Variants in OPCML observed in about 807,000 individuals in gnomAD.
OPCML encodes opioid binding protein/cell adhesion molecule like.
OPCML carries 13 observed loss-of-function variants against 37.8 expected under a neutral mutation model. The ratio of observed to expected loss-of-function variants is 0.34; its 90% CI spans 0.22 to 0.55. The LOEUF is 0.55. Ranked by LOEUF, OPCML falls within the 20% of genes least tolerant of loss-of-function variation. The probability of loss-of-function intolerance (pLI) is 0.91; values close to 1 mark genes in which losing one functional copy is unlikely to be tolerated. For missense variants in OPCML, 341 were observed against 435.6 expected (o/e 0.78, Z 1.93); for synonymous variants, 176 against 168.8 (o/e 1.04, Z -0.33).
At chr11:133,477,043 G>A (rs985556784) in intron 1 of OPCML, among the ~76,000 whole-genome samples, 7 of 152,084 alleles carry the variant, frequency 4.6e-5, no homozygotes, top group African/African-American at 9.7e-5. Flanking sequence ...GCTTAACTGC[G>A]CACAACCCTC....
chr11:132,845,349 C>A (rs1941479770), intron 2 of OPCML, among the ~76,000 whole-genome samples: 1 of 152,186 alleles, frequency 6.6e-6, no homozygotes, highest in Admixed American at 6.5e-5. Flanking sequence ...CGCCTTTGAA[C>A]AACAGCTTAA....
At chr11:133,267,714 C>A (rs1941703578) in intron 1 of OPCML, among the ~76,000 whole-genome samples, 1 of 152,048 alleles carries the variant, frequency 6.6e-6, no homozygotes, top group African/African-American at 2.4e-5. Context: ...GTGGGAGGGA[C>A]CCAGTGGGAG....
At chr11:133,070,481 G>A (rs1427896654) in intron 1 of OPCML, among the ~76,000 whole-genome samples, 2 of 152,224 alleles carry the variant, frequency 1.3e-5, no homozygotes, top group South Asian at 4.1e-4. Flanking sequence ...TTCCACCCAG[G>A]GATGTGATGG....
intron 2 of OPCML, among the ~76,000 whole-genome samples, chr11:132,942,249 T>TC (rs906245256): frequency 5.3e-5 from 8 of 152,236 alleles, no homozygotes; most frequent in Admixed American, 3.9e-4. Flanking sequence ...CAAGTGATTC[T>TC]CTGTAACTCA....
At chr11:132,584,831 C>T (rs1381300608) in intron 3 of OPCML, among the ~76,000 whole-genome samples, 1 of 152,242 alleles carries the variant, frequency 6.6e-6, no homozygotes, top group African/African-American at 2.4e-5. Flanking sequence ...TTCAAAGTGT[C>T]TCTGTGCCTG....
chr11:133,005,466 G>A (rs1056243874), intron 1 of OPCML: 1 of 985,362 alleles, frequency 1.0e-6, no homozygotes, highest in Non-Finnish European at 1.2e-6. Flanking sequence ...TTAGGTACTA[G>A]TTTTTCTCTG....
At chr11:132,805,832 T>A (rs10894609) in intron 2 of OPCML, among the ~76,000 whole-genome samples, 33,931 of 152,148 alleles carry the variant, frequency 0.22, 4,794 homozygotes, top group Non-Finnish European at 0.33. Flanking sequence ...TAGGTAAAAA[T>A]GATAAATATG....
At chr11:133,294,154 A>C (rs1942562137) in intron 1 of OPCML, among the ~76,000 whole-genome samples, 1 of 138,192 alleles carries the variant, frequency 7.2e-6, no homozygotes, top group East Asian at 2.2e-4. Flanking sequence ...GTGGTACCAT[A>C]GCTTTAGACC....
At chr11:132,503,972 C>A (rs529131885) in intron 4 of OPCML, among the ~76,000 whole-genome samples, 3 of 152,136 alleles carry the variant, frequency 2.0e-5, no homozygotes, top group East Asian at 1.9e-4. Context: ...ATCTTTTATG[C>A]ACCTTTGTTA....
At chr11:132,661,004 G>A (rs986221905) in intron 2 of OPCML, among the ~76,000 whole-genome samples, 4 of 152,142 alleles carry the variant, frequency 2.6e-5, no homozygotes, top group African/African-American at 9.7e-5. Context: ...ACCACTTCAG[G>A]TTGAGGGTGC....
At position 132,639,561 on chromosome 11, in the gene OPCML, A is replaced by G. The variant is rs577601444; in HGVS notation, c.379+17526T>C. Among the ~76,000 whole-genome samples, 8 of 152,328 alleles carry G rather than the reference A, an allele frequency of 5.3e-5. No homozygotes were observed. In the South Asian group the frequency reaches 1.0e-3, roughly 20 times the overall value. On this transcript the variant is annotated intron_variant, in intron 3 of 7. Coordinates refer to ENST00000524381, the MANE Select transcript of OPCML (RefSeq NM_001012393.5). Reference sequence around the variant, plus strand: ...ATGGAACCTAAAGTTCCTGAATCCGAACACAATCCTTTCACTGTTAAGACT... The same window carrying G: ...ATGGAACCTAAAGTTCCTGAATCCGGACACAATCCTTTCACTGTTAAGACT...
chr11:133,436,297 T>C (rs1165296576), intron 1 of OPCML, among the ~76,000 whole-genome samples: 1 of 152,188 alleles, frequency 6.6e-6, no homozygotes, highest in African/African-American at 2.4e-5. Flanking sequence ...TTTTGGTTCC[T>C]CCATTTGGTG....
chr11:133,151,127 G>C (rs1250042851), intron 1 of OPCML, among the ~76,000 whole-genome samples: 1 of 151,918 alleles, frequency 6.6e-6, no homozygotes, highest in African/African-American at 2.4e-5. Context: ...ACAAAAATTA[G>C]CTGGGCGTGG....
At chr11:133,392,009 A>G (rs1945183755) in intron 1 of OPCML, among the ~76,000 whole-genome samples, 2 of 152,134 alleles carry the variant, frequency 1.3e-5, no homozygotes, top group Admixed American at 1.3e-4. Flanking sequence ...TGTATATAGG[A>G]AAAAAAATTA....
intron 1 of OPCML, among the ~76,000 whole-genome samples, chr11:132,992,424 A>G (rs1946799800): frequency 6.6e-6 from 1 of 152,188 alleles, no homozygotes; most frequent in Non-Finnish European, 1.5e-5. Context: ...TTATTCATTG[A>G]CCACATTTCA....
intron 4 of OPCML, among the ~76,000 whole-genome samples, chr11:132,453,950 T>C (rs1448173387): frequency 2.6e-5 from 4 of 152,232 alleles, no homozygotes; most frequent in African/African-American, 9.6e-5. Flanking sequence ...AAGACAATTC[T>C]GCCCTTCTAA....
intron 1 of OPCML, among the ~76,000 whole-genome samples, chr11:133,315,157 G>A (rs1239231734): frequency 2.6e-5 from 4 of 152,124 alleles, no homozygotes; most frequent in Admixed American, 2.6e-4. Context: ...CCTTAAAAAT[G>A]AGGCTTTCAG....
chr11:132,826,352 T>A (rs1485068053), intron 2 of OPCML, among the ~76,000 whole-genome samples: 1 of 152,242 alleles, frequency 6.6e-6, no homozygotes, highest in African/African-American at 2.4e-5. Flanking sequence ...GTGCATTTCA[T>A]GCCAGGAAGG....
chr11:132,883,959 C>T (rs996851217), intron 2 of OPCML, among the ~76,000 whole-genome samples: 2 of 151,996 alleles, frequency 1.3e-5, no homozygotes, highest in African/African-American at 4.8e-5. Context: ...GACTTAGACA[C>T]GGTGAGTTTG....
Sources: gnomAD v4.1 joint callset for allele counts (sites outside exome capture counted in the v4.1 genomes callset) on GRCh38, gnomAD v4.1.1 for gene constraint, MANE v1.5 for transcripts, NCBI Gene and HGNC (gene_info 2026-07-23, HGNC 2026-07-21) for gene names.